TRPC4: variants seen among roughly 807,000 people sequenced by gnomAD.
TRPC4 encodes short transient receptor potential channel 4.
Under a neutral mutation model 99.4 loss-of-function variants are expected in TRPC4, and 49 were observed. The observed-to-expected ratio is 0.49, with a 90% CI of 0.39 to 0.63. TRPC4 has a LOEUF of 0.63. Ranked by LOEUF, TRPC4 falls within the 20% of genes least tolerant of loss-of-function variation. The pLI, the probability that TRPC4 is intolerant of heterozygous loss-of-function variation, is 0.00. For synonymous variants in TRPC4, 454 were observed against 425.9 expected (o/e 1.07, Z -0.81); for missense variants, 898 against 1,152.9 (o/e 0.78, Z 3.20).
intron 2 of TRPC4, among the ~76,000 whole-genome samples, chr13:37,751,166 A>G (rs1290533848): frequency 6.6e-6 from 1 of 151,936 alleles, no homozygotes; most frequent in Admixed American, 6.6e-5. Context: ...GAGAGGATGG[A>G]CAGGGCCCAG....
At chr13:37,650,323 A>C (rs1384475999) in intron 8 of TRPC4, among the ~76,000 whole-genome samples, 1 of 152,236 alleles carries the variant, frequency 6.6e-6, no homozygotes, top group Non-Finnish European at 1.5e-5. Flanking sequence ...CCAAGTGACT[A>C]ATGAATATGA....
In TRPC4 at chr13:37,652,542, A is replaced by G. The variant is rs541065178; in HGVS notation, c.1885-1083T>C. ...TGTTTGGTAATATGGATTGATCCAC[A>G]TAAATCGGAACACAGAAGCTGCAGT... On this transcript the variant is annotated intron_variant, in intron 7 of 10. Coordinates refer to ENST00000379705, the MANE Select transcript of TRPC4 (RefSeq NM_016179.4). Among the ~76,000 whole-genome samples the G allele has an allele frequency of 9.8e-5, 15 of 152,344 alleles. 1 individual carries two copies. The South Asian group carries it at 2.5e-3, about 25-fold the overall frequency.
chr13:37,636,899 A>G lies in TRPC4; in HGVS notation c.*4T>C. 6.2e-7 allele frequency: 1 copy of G among 1,605,444 alleles called. No individual in the cohort carries two copies. The highest frequency in any genetic ancestry group is 2.2e-5 in the East Asian group (1 of 44,780). Reference sequence around the variant, plus strand: ...TGTATGGTAAACGCTTCCTCCTTCAAGTATCACAATCTTGTGGTCACGTAA... The same window carrying G: ...TGTATGGTAAACGCTTCCTCCTTCAGGTATCACAATCTTGTGGTCACGTAA... On this transcript the variant is annotated 3_prime_UTR_variant, in exon 11 of 11. Transcript: ENST00000379705.
At chr13:37,797,911 T>A (rs1034338620) in intron 1 of TRPC4, among the ~76,000 whole-genome samples, 25 of 152,178 alleles carry the variant, frequency 1.6e-4, no homozygotes, top group Non-Finnish European at 3.4e-4. Flanking sequence ...TTGTGATCAT[T>A]TTTTAATGAC....
At chr13:37,842,767 A>T (rs187731309) in intron 1 of TRPC4, among the ~76,000 whole-genome samples, 1 of 152,354 alleles carries the variant, frequency 6.6e-6, no homozygotes, top group African/African-American at 2.4e-5. Context: ...TTTCAGGGTT[A>T]AGATTTCAGC....
intron 4 of TRPC4, among the ~76,000 whole-genome samples, chr13:37,683,308 T>C (rs893689856): frequency 6.6e-6 from 1 of 152,160 alleles, no homozygotes; most frequent in African/African-American, 2.4e-5. Context: ...ACAGTGAGGT[T>C]TGGCCATAGG....
chr13:37,862,040 T>C (rs888759907), intron 1 of TRPC4, among the ~76,000 whole-genome samples: 2 of 151,480 alleles, frequency 1.3e-5, no homozygotes, highest in Non-Finnish European at 3.0e-5. Flanking sequence ...AGGTAGTCTA[T>C]TTCTAGGCTT....
At chr13:37,658,886 G>T (rs1952335088) in intron 6 of TRPC4, among the ~76,000 whole-genome samples, 2 of 152,018 alleles carry the variant, frequency 1.3e-5, no homozygotes, top group Non-Finnish European at 2.9e-5. Flanking sequence ...ATTCAGTCAG[G>T]GAGAAGACCA....
intron 3 of TRPC4, among the ~76,000 whole-genome samples, chr13:37,702,158 C>T (rs1954121449): frequency 6.6e-6 from 1 of 152,110 alleles, no homozygotes; most frequent in Admixed American, 6.6e-5. Context: ...CCCTGTATGC[C>T]TCATTTCACA....
intron 1 of TRPC4, among the ~76,000 whole-genome samples, chr13:37,866,851 G>GGGA (rs1566236249): frequency 2.5e-5 from 3 of 119,406 alleles, no homozygotes; most frequent in Non-Finnish European, 5.1e-5. Context: ...TTTTGTGGGG[G>GGGA]GGGGCGGGTA....
intron 1 of TRPC4, among the ~76,000 whole-genome samples, chr13:37,861,959 GT>G (rs535708207): frequency 6.6e-6 from 1 of 151,074 alleles, no homozygotes; most frequent in Non-Finnish European, 1.5e-5. Context: ...TCCAATAATG[GT>G]TTTTTTTAAA....
At chr13:37,785,123 G>T (rs945420238) in intron 1 of TRPC4, among the ~76,000 whole-genome samples, 24 of 152,050 alleles carry the variant, frequency 1.6e-4, no homozygotes, top group Non-Finnish European at 2.9e-5. Context: ...ATATCAAGGA[G>T]AATTTAATAT....
intron 1 of TRPC4, among the ~76,000 whole-genome samples, chr13:37,866,848 G>C (rs1228975635): frequency 1.8e-5 from 1 of 54,708 alleles, no homozygotes; most frequent in East Asian, 6.4e-4. Flanking sequence ...ATTTTTTGTG[G>C]GGGGGGGCGG....
intron 8 of TRPC4, among the ~76,000 whole-genome samples, chr13:37,641,973 C>A (rs1207849570): frequency 5.3e-5 from 8 of 152,118 alleles, no homozygotes; most frequent in Non-Finnish European, 1.0e-4. Context: ...CATAGTAGGA[C>A]ACATATTATG....
chr13:37,793,737 T>C (rs879681851), intron 1 of TRPC4, among the ~76,000 whole-genome samples: 1 of 152,086 alleles, frequency 6.6e-6, no homozygotes, highest in Non-Finnish European at 1.5e-5. Flanking sequence ...AACCCAATAC[T>C]AGAAATGATG....
At chr13:37,824,496 T>G (rs1190944712) in intron 1 of TRPC4, among the ~76,000 whole-genome samples, 1 of 152,142 alleles carries the variant, frequency 6.6e-6, no homozygotes, top group Admixed American at 6.5e-5. Flanking sequence ...TTGTTGAATT[T>G]TGTCAAAGGC....
intron 1 of TRPC4, among the ~76,000 whole-genome samples, chr13:37,814,387 T>C (rs1957785757): frequency 6.6e-6 from 1 of 151,812 alleles, no homozygotes; most frequent in Non-Finnish European, 1.5e-5. Flanking sequence ...TAACTATATC[T>C]ATTTCAAGAT....
At chr13:37,784,420 A>G (rs1468454154) in intron 1 of TRPC4, among the ~76,000 whole-genome samples, 1 of 152,130 alleles carries the variant, frequency 6.6e-6, no homozygotes, top group Non-Finnish European at 1.5e-5. Flanking sequence ...TGGAAGCTAT[A>G]TTGATCTGGT....
At chr13:37,799,824 ACCATTC>A (rs778450880) in intron 1 of TRPC4, among the ~76,000 whole-genome samples, 16 of 152,220 alleles carry the variant, frequency 1.1e-4, no homozygotes, top group South Asian at 2.1e-4. Context: ...CTAAATGTTT[ACCATTC>A]CTAGCATCAA....
Sources: gnomAD v4.1 joint callset for allele counts (sites outside exome capture counted in the v4.1 genomes callset) on GRCh38, gnomAD v4.1.1 for gene constraint, MANE v1.5 for transcripts, NCBI Gene and HGNC (gene_info 2026-07-23, HGNC 2026-07-21) for gene names.